ADGRL2: variants seen among roughly 807,000 people sequenced by gnomAD.
ADGRL2 encodes calcium-independent alpha-latrotoxin receptor 2.
In ADGRL2, 44 loss-of-function variants were observed where a neutral mutation model predicts 157.4. The observed-to-expected ratio is 0.28, with a 90% CI of 0.22 to 0.36. The LOEUF (loss-of-function observed/expected upper bound fraction) is 0.36, where lower values mean the gene tolerates loss of function less well. Ranked by LOEUF, ADGRL2 falls within the 10% of genes least tolerant of loss-of-function variation. ADGRL2 has a pLI of 1.00. For synonymous variants in ADGRL2, 585 were observed against 624.7 expected, an observed-to-expected ratio of 0.94 and a Z score of 0.95; for missense variants, 1,510 against 1,768.9, an observed-to-expected ratio of 0.85 and a Z score of 2.63.
chr1:81,896,796 C>CA (rs1051590102), intron 2 of ADGRL2, among the ~76,000 whole-genome samples: 1 of 152,108 alleles, frequency 6.6e-6, no homozygotes, highest in African/African-American at 2.4e-5. Flanking sequence ...AATATAAGTA[C>CA]AAAGACCCTT....
At chr1:81,793,113 T>A (rs973091156) in intron 2 of ADGRL2, among the ~76,000 whole-genome samples, 9 of 152,116 alleles carry the variant, frequency 5.9e-5, no homozygotes, top group African/African-American at 1.9e-4. Flanking sequence ...TCAGTACACA[T>A]TCTTCAGCGA....
At chr1:81,855,162 G>C (rs983747353) in intron 2 of ADGRL2, among the ~76,000 whole-genome samples, 5 of 152,154 alleles carry the variant, frequency 3.3e-5, no homozygotes, top group Admixed American at 6.6e-5. Context: ...GCAGAAGCCA[G>C]GCACAGTGGC....
At chr1:81,563,578 A>G (rs191047656) in intron 2 of ADGRL2, among the ~76,000 whole-genome samples, 22 of 152,326 alleles carry the variant, frequency 1.4e-4, no homozygotes, top group African/African-American at 5.1e-4. Flanking sequence ...GGTGAGTTAC[A>G]AGGTAGACAG....
chr1:81,611,291 C>T (rs2081536567), intron 3 of ADGRL2, among the ~76,000 whole-genome samples: 1 of 152,220 alleles, frequency 6.6e-6, no homozygotes, highest in Non-Finnish European at 1.5e-5. Flanking sequence ...GGATCAAATT[C>T]TGTCTCTGCT....
At chr1:81,417,496 T>C (rs1422609839) in intron 1 of ADGRL2, among the ~76,000 whole-genome samples, 1 of 152,208 alleles carries the variant, frequency 6.6e-6, no homozygotes, top group Non-Finnish European at 1.5e-5. Context: ...TTCCTTCTTA[T>C]ATTAGTAATA....
chr1:81,696,757 C>A (rs1054993592), upstream of ADGRL2, among the ~76,000 whole-genome samples: 1 of 151,554 alleles, frequency 6.6e-6, no homozygotes, highest in Non-Finnish European at 1.5e-5. Flanking sequence ...ATCTCAAAAA[C>A]AAAAACAAAA....
At chr1:81,786,250 A>G (rs2087039874) in intron 2 of ADGRL2, among the ~76,000 whole-genome samples, 1 of 152,256 alleles carries the variant, frequency 6.6e-6, no homozygotes, top group Admixed American at 6.5e-5. Context: ...CTCACCAATA[A>G]GAAATATAGC....
At chr1:81,596,849 G>A (rs1259064226) in intron 3 of ADGRL2, among the ~76,000 whole-genome samples, 1 of 152,038 alleles carries the variant, frequency 6.6e-6, no homozygotes, top group East Asian at 1.9e-4. Flanking sequence ...ATTTGTCTTG[G>A]CTTTTGGGTG....
At chr1:81,653,110 T>C (rs2082455053) in intron 3 of ADGRL2, among the ~76,000 whole-genome samples, 1 of 152,170 alleles carries the variant, frequency 6.6e-6, no homozygotes, top group Non-Finnish European at 1.5e-5. Flanking sequence ...CAATGTCAAG[T>C]ATATGTATAT....
intron 1 of ADGRL2, among the ~76,000 whole-genome samples, chr1:81,433,522 GAA>G (rs1196679411): frequency 1.3e-5 from 2 of 152,178 alleles, no homozygotes; most frequent in African/African-American, 4.8e-5. Context: ...AGCACCCTGT[GAA>G]AGCTGATCTT....
intron 2 of ADGRL2, among the ~76,000 whole-genome samples, chr1:81,514,196 C>T (rs1188724342): frequency 6.6e-6 from 1 of 152,108 alleles, no homozygotes; most frequent in East Asian, 1.9e-4. Context: ...ATAGCAATCT[C>T]AGTTTTTACC....
chr1:81,555,398 A>G (rs796836018), intron 2 of ADGRL2, among the ~76,000 whole-genome samples: 8 of 150,628 alleles, frequency 5.3e-5, no homozygotes, highest in African/African-American at 2.0e-4. Flanking sequence ...CCTCCCAAGT[A>G]GCTGGGATTA....
At chr1:81,389,305 A>T (rs1270104899) in intron 1 of ADGRL2, among the ~76,000 whole-genome samples, 1 of 152,204 alleles carries the variant, frequency 6.6e-6, no homozygotes, top group African/African-American at 2.4e-5. Context: ...ATTACATTCC[A>T]GTCAGAGTCA....
chr1:81,691,329 T>G (rs1193148033), intron 3 of ADGRL2, among the ~76,000 whole-genome samples: 2 of 150,534 alleles, frequency 1.3e-5, no homozygotes, highest in Admixed American at 6.6e-5. Flanking sequence ...CTTGTTTTCT[T>G]TTTTTTTTTA....
At chr1:81,710,626 T>TAAAA (rs373944276) in intron 1 of ADGRL2, among the ~76,000 whole-genome samples, 17 of 132,504 alleles carry the variant, frequency 1.3e-4, no homozygotes, top group Admixed American at 3.8e-4. Context: ...CTCAAAAAAT[T>TAAAA]AAAAAAAAAA....
chr1:81,360,852 T>A (rs2075964930), intron 1 of ADGRL2, among the ~76,000 whole-genome samples: 1 of 151,932 alleles, frequency 6.6e-6, no homozygotes, highest in African/African-American at 2.4e-5. Context: ...CTTGAAATAA[T>A]GTAAGAAAAA....
chr1:81,561,807 G>A (rs1015484658), intron 2 of ADGRL2, among the ~76,000 whole-genome samples: 2 of 151,978 alleles, frequency 1.3e-5, no homozygotes, highest in Non-Finnish European at 2.9e-5. Flanking sequence ...TTTGATTATA[G>A]GATTTTCATG....
intron 2 of ADGRL2, among the ~76,000 whole-genome samples, chr1:81,481,390 C>T (rs960458478): frequency 4.6e-5 from 7 of 152,172 alleles, no homozygotes; most frequent in African/African-American, 1.7e-4. Context: ...ATGCAATAAT[C>T]AACATTCTGT....
Position 81,817,124 on chromosome 1 carries a change from C to T in ADGRL2, c.-101+16056C>T, listed in dbSNP as rs911876504. 1.2e-4 allele frequency among the ~76,000 whole-genome samples: 19 copies of T among 152,024 alleles called. 1 individual carries two copies. Among genetic ancestry groups the T allele is most frequent in the Admixed American group, 1.0e-3 (16 of 15,254 alleles). On this transcript the variant is annotated intron_variant, in intron 1 of 23. Coordinates refer to ENST00000686636, the MANE Select transcript of ADGRL2 (RefSeq NM_001366006.2). ...CCCACGCTCCTACCTTTTGTAGTCTCCAGTGTCTGTTTTTCTATTCTGTAT... is the reference window on the plus strand; with the variant it reads ...CCCACGCTCCTACCTTTTGTAGTCTTCAGTGTCTGTTTTTCTATTCTGTAT...
Sources: gnomAD v4.1 joint callset for allele counts (sites outside exome capture counted in the v4.1 genomes callset) on GRCh38, gnomAD v4.1.1 for gene constraint, MANE v1.5 for transcripts, NCBI Gene and HGNC (gene_info 2026-07-23, HGNC 2026-07-21) for gene names.